TANGO6: variants seen among roughly 807,000 people sequenced by gnomAD.
The protein encoded by TANGO6 is transport and golgi organization 6 homolog.
Under a neutral mutation model 114.2 loss-of-function variants are expected in TANGO6, and 90 were observed. The observed-to-expected ratio is 0.79, with a 90% CI of 0.66 to 0.94. The LOEUF is 0.94. TANGO6 is among the 40% of genes least tolerant of loss of function. The pLI is 0.00. For synonymous variants in TANGO6, 477 were observed against 509.8 expected, an observed-to-expected ratio of 0.94 and a Z score of 0.87; for missense variants, 1,274 against 1,315.3, an observed-to-expected ratio of 0.97 and a Z score of 0.49.
At chr16:68,967,044 T>C (rs779579390) in intron 14 of TANGO6, among the ~76,000 whole-genome samples, 8 of 152,182 alleles carry the variant, frequency 5.3e-5, no homozygotes, top group Non-Finnish European at 1.2e-4. Flanking sequence ...AGTGCTGGGA[T>C]TACAGGTGTG....
intron 4 of TANGO6, among the ~76,000 whole-genome samples, chr16:68,873,687 A>G (rs1373015313): frequency 3.3e-5 from 5 of 152,202 alleles, no homozygotes; most frequent in Admixed American, 6.5e-5. Flanking sequence ...CTGAATAATA[A>G]TTCCTCATGT....
intron 14 of TANGO6, among the ~76,000 whole-genome samples, chr16:68,951,090 G>A (rs540556996): frequency 2.0e-5 from 3 of 152,112 alleles, no homozygotes; most frequent in East Asian, 3.9e-4. Flanking sequence ...TTGGGAGGTC[G>A]ATGTGGACGA....
chr16:68,849,298 C>T (rs1163200853), intron 1 of TANGO6, among the ~76,000 whole-genome samples: 1 of 152,142 alleles, frequency 6.6e-6, no homozygotes, highest in East Asian at 1.9e-4. Flanking sequence ...TGTGCAACTA[C>T]ACTCCAGCCT....
intron 17 of TANGO6, among the ~76,000 whole-genome samples, chr16:69,080,792 A>C (rs1211112222): frequency 6.6e-6 from 1 of 152,186 alleles, no homozygotes; most frequent in Non-Finnish European, 1.5e-5. Context: ...TTTTTAGCTG[A>C]GTAACCTCAA....
intron 7 of TANGO6, among the ~76,000 whole-genome samples, chr16:68,883,867 G>C (rs1962499108): frequency 6.6e-6 from 1 of 152,074 alleles, no homozygotes; most frequent in South Asian, 2.1e-4. Flanking sequence ...GGTACTAGTA[G>C]ATTCATAGAT....
rs1471018235 is a variant in TANGO6 at position 68,919,180 on chromosome 16, C to A, written c.2088C>A (p.Ser696=). ...STVESQTLSM[S]MGLVAVMLGG... The stretch of plus-strand genomic sequence containing the variant: ...TGGAATCACAGACGCTGAGCATGTC[C>A]ATGGGGCTGGTGGCTGTCATGCTAG... The change falls in exon 12 of 18, where the codon TCC becomes TCA. Residue 696 remains serine (S), a synonymous_variant. Transcript: ENST00000261778. 16 of 1,612,624 alleles carry A rather than the reference C, an allele frequency of 9.9e-6. No individual in the cohort carries two copies. The highest frequency in any genetic ancestry group is 1.4e-5 in the Non-Finnish European group (16 of 1,179,492).
intron 14 of TANGO6, among the ~76,000 whole-genome samples, chr16:68,956,711 G>A (rs1027703650): frequency 2.0e-5 from 3 of 152,044 alleles, no homozygotes; most frequent in Admixed American, 6.6e-5. Flanking sequence ...AAATTAGCCA[G>A]TCATGGTGGC....
intron 15 of TANGO6, among the ~76,000 whole-genome samples, chr16:68,985,643 G>A (rs1963882011): frequency 6.6e-6 from 1 of 152,140 alleles, no homozygotes; most frequent in Admixed American, 6.5e-5. Flanking sequence ...AGCCCGGGAG[G>A]TCAAGGCTGC....
intron 14 of TANGO6, chr16:68,973,730 A>G (rs1963733353): frequency 1.3e-5 from 5 of 376,132 alleles, no homozygotes; most frequent in Non-Finnish European, 2.5e-5. Context: ...GAAATTATAC[A>G]GGAATGGAGA....
At chr16:68,964,511 T>C (rs778830558) in intron 14 of TANGO6, among the ~76,000 whole-genome samples, 3 of 151,970 alleles carry the variant, frequency 2.0e-5, no homozygotes, top group Non-Finnish European at 2.9e-5. Flanking sequence ...TGCTTTTTAC[T>C]TAACAATAGC....
At chr16:68,913,837 T>C (rs1203105528) in intron 11 of TANGO6, among the ~76,000 whole-genome samples, 1 of 152,154 alleles carries the variant, frequency 6.6e-6, no homozygotes, top group Non-Finnish European at 1.5e-5. Context: ...TTAAAACAGT[T>C]TGAAAGGCTG....
intron 3 of TANGO6, 183 bp downstream of exon 3, chr16:68,863,244 A>G (rs1219671320): frequency 2.4e-6 from 1 of 410,632 alleles, no homozygotes; most frequent in Non-Finnish European, 4.3e-6. Context: ...AGGATAATTT[A>G]AAAGACCTTT....
chr16:68,873,000 G>T (rs1429282642), intron 4 of TANGO6, among the ~76,000 whole-genome samples: 1 of 151,884 alleles, frequency 6.6e-6, no homozygotes, highest in Non-Finnish European at 1.5e-5. Context: ...ACCGCACCCG[G>T]CCAGAAGTCA....
chr16:68,974,069 C>G lies in TANGO6; in HGVS notation c.2743C>G (p.Pro915Ala). 5.0e-6 allele frequency: 8 copies of G among 1,612,694 alleles called. No homozygotes were observed. Among genetic ancestry groups the G allele is most frequent in the African/African-American group, 1.3e-5 (1 of 75,034 alleles). Residue 915 changes from proline to alanine, a missense_variant, in exon 15 of 18, where the codon CCG becomes GCG. By Grantham distance (27) the Pro-to-Ala change is conservative. Coordinates refer to ENST00000261778, the MANE Select transcript of TANGO6 (RefSeq NM_024562.2). ...AGACGTCTATCCTGAGAAAATCTTG[C>G]CGGACTTGTTGGCTCAATATGACAG... ...LSDVYPEKIL[P>A]DLLAQYDSSK...
intron 15 of TANGO6, among the ~76,000 whole-genome samples, chr16:69,018,620 T>C (rs776189317): frequency 2.0e-5 from 3 of 151,860 alleles, no homozygotes; most frequent in Non-Finnish European, 4.4e-5. Context: ...ATATTTAATG[T>C]ACATATTTAA....
chr16:68,859,542 A>G (rs564900455), intron 1 of TANGO6, among the ~76,000 whole-genome samples: 1 of 152,322 alleles, frequency 6.6e-6, no homozygotes, highest in East Asian at 1.9e-4. Context: ...GTTCTATGGT[A>G]AATGTTCAGC....
At position 69,040,373 on chromosome 16, in the gene TANGO6, A is replaced by G. The variant is rs748120011; in HGVS notation, c.3060A>G (p.Ile1020Met). Residue 1020 changes from isoleucine (I) to methionine (M), a missense_variant, in exon 17 of 18, where the codon ATA becomes ATG. This residue lies in a region of TANGO6 where 238 missense variants were observed against 252.9 expected (regional missense o/e 0.94). Transcript: ENST00000261778. ...AAGTTCAAGTACGCAGAGCTGCCAT[A>G]CATGTGGTTGTGCTGCTGCTTCGGG... Reference protein sequence around the residue: ...DGEVQVRRAAIHVVVLLLRGL... With the variant: ...DGEVQVRRAAMHVVVLLLRGL... The G allele has an allele frequency of 5.0e-6, 8 of 1,609,402 alleles. No homozygotes were observed. In the Admixed American group the frequency reaches 5.1e-5, roughly 10 times the overall value.
chr16:68,996,317 A>G (rs1963988827), intron 15 of TANGO6, among the ~76,000 whole-genome samples: 1 of 152,196 alleles, frequency 6.6e-6, no homozygotes, highest in South Asian at 2.1e-4. Flanking sequence ...TGCCATGTCA[A>G]TCTAATTTCC....
intron 17 of TANGO6, among the ~76,000 whole-genome samples, chr16:69,070,300 C>T (rs765279362): frequency 4.6e-5 from 7 of 152,034 alleles, no homozygotes; most frequent in Admixed American, 1.3e-4. Flanking sequence ...AGGAGGAACA[C>T]GTCCACCCTA....
Sources: allele counts gnomAD v4.1 joint callset (sites outside exome capture counted in the v4.1 genomes callset), GRCh38; gene constraint gnomAD v4.1.1; regional missense constraint gnomAD v4.1.1; transcripts MANE v1.5; gene names NCBI Gene and HGNC (gene_info 2026-07-23, HGNC 2026-07-21).